Variants in ZNF3 observed in about 807,000 individuals in gnomAD.
ZNF3 encodes the protein C2-H2 type zinc finger protein.
Under a neutral mutation model 36.9 loss-of-function variants are expected in ZNF3, and 16 were observed. The ratio of observed to expected loss-of-function variants is 0.43; its 90% CI spans 0.29 to 0.66. The LOEUF is 0.66. Among genes scored for constraint, ZNF3 ranks in the 30% least tolerant of loss-of-function variants. The pLI is 0.13. For synonymous variants in ZNF3, 201 were observed against 201.9 expected, an observed-to-expected ratio of 1.00 and a Z score of 0.04; for missense variants, 462 against 543.1, an observed-to-expected ratio of 0.85 and a Z score of 1.48.
intron 3 of ZNF3, 118 bp downstream of exon 3, chr7:100,077,185 A>T (rs999210388): frequency 4.3e-5 from 54 of 1,250,470 alleles, no homozygotes; most frequent in Middle Eastern, 2.1e-4. Context: ...AATGGCGAAG[A>T]GTGTGTCTTA....
At chr7:100,080,468 G>A (rs1223876809) in intron 1 of ZNF3, among the ~76,000 whole-genome samples, 2 of 151,814 alleles carry the variant, frequency 1.3e-5, no homozygotes, top group Admixed American at 6.6e-5. Context: ...CACTCCAGCC[G>A]GGGGCAACAG....
intron 4 of ZNF3, 26 bp downstream of exon 4, chr7:100,075,516 A>G: frequency 1.2e-6 from 2 of 1,613,624 alleles, no homozygotes; most frequent in Non-Finnish European, 1.7e-6. Flanking sequence ...ATGGAAAGGA[A>G]AAGGATAAAC....
At position 100,064,578 on chromosome 7, in the gene ZNF3, A is replaced by G. The variant is rs186209214; in HGVS notation, c.*210T>C. On this transcript the variant is annotated 3_prime_UTR_variant, in exon 6 of 6. Transcript: ENST00000413658. The stretch of plus-strand genomic sequence containing the variant: ...TCTGTAGCAAGTCCAATCTTTCCAA[A>G]CATCAGCGAGTCCACACTGGAGAGG... 6.4e-4 allele frequency: 1,030 copies of G among 1,614,200 alleles called. 6 individuals carry two copies. Among genetic ancestry groups the G allele is most frequent in the Non-Finnish European group, 1.7e-4 (199 of 1,180,026 alleles).
intron 2 of ZNF3, 106 bp downstream of exon 2, chr7:100,079,430 A>G (rs537695982): frequency 1.3e-5 from 2 of 152,442 alleles, no homozygotes; most frequent in South Asian, 4.1e-4. Context: ...CTTCAGGTCC[A>G]GACAGGGCCC....
chr7:100,075,327 C>T (rs749341686), intron 4 of ZNF3, 66 bp from the exon 5 acceptor site: 16 of 1,611,820 alleles, frequency 9.9e-6, no homozygotes, highest in Non-Finnish European at 1.3e-5. Context: ...CCAAAAAAAT[C>T]ACTGAGGATG....
At chr7:100,065,161 C>G, downstream of ZNF3, 1 of 503,746 alleles carries the variant, frequency 2.0e-6, no homozygotes, top group Non-Finnish European at 3.4e-6. Flanking sequence ...GGCACGGTGG[C>G]TTACGCCTGT....
At position 100,081,434 on chromosome 7, in the gene ZNF3, T is replaced by C. The variant is rs371934931; in HGVS notation, c.-198+201A>G. 3.3e-5 allele frequency among the ~76,000 whole-genome samples: 5 copies of C among 152,094 alleles called. No individual in the cohort carries two copies. In the East Asian group the frequency reaches 7.7e-4, roughly 23 times the overall value. On this transcript the variant is annotated intron_variant, in intron 1 of 5. Coordinates refer to ENST00000299667, the MANE Select transcript of ZNF3 (RefSeq NM_032924.5). The surrounding 1 kb of genome is among the most constrained non-coding windows in gnomAD (Gnocchi z 4.3). ...GAACCGGAGCCCCATTACTAACCCC[T>C]ACGCAGGATCCCGCTAGGCTAGGGG...
intron 1 of ZNF3, among the ~76,000 whole-genome samples, chr7:100,080,550 G>A (rs544085249): frequency 1.3e-5 from 2 of 150,652 alleles, no homozygotes; most frequent in African/African-American, 4.9e-5. Context: ...GGTGGCTAAC[G>A]CCTGTAATCC....
At chr7:100,081,918 T>G (rs1795050487), upstream of ZNF3, among the ~76,000 whole-genome samples, 1 of 152,242 alleles carries the variant, frequency 6.6e-6, no homozygotes, top group Admixed American at 6.5e-5. This position sits in a 1 kb window ranked among gnomAD's most constrained non-coding sequence, Gnocchi z 4.3. Flanking sequence ...GATCTTTCGC[T>G]GCGGGGGCTG....
downstream of ZNF3, among the ~76,000 whole-genome samples, chr7:100,069,721 C>T (rs1411668003): frequency 1.3e-5 from 2 of 151,972 alleles, no homozygotes; most frequent in African/African-American, 4.8e-5. Context: ...TCAAGTAGTT[C>T]TCCTGGCTCA....
In ZNF3 at chr7:100,079,628, G is replaced by A. The variant is rs1165402648; in HGVS notation, c.-169C>T. On this transcript the variant is annotated 5_prime_UTR_variant, in exon 2 of 6. Transcript: ENST00000299667. ...TTTAGCAGCCTCTGTTCAAGTTCCC[G>A]GGAATTCTGACTTTTGTTGATGCCA... is the stretch of plus-strand genomic sequence containing the variant. 6 of 152,310 alleles carry A rather than the reference G, an allele frequency of 3.9e-5. No homozygotes were observed. Among genetic ancestry groups the A allele is most frequent in the African/African-American group, 1.2e-4 (5 of 41,558 alleles). The allele number at this position is 152,310 out of a possible 1,614,324, so 9.4% of individuals were successfully genotyped here. A position where few individuals can be genotyped will look rare whatever the true frequency, so the allele number is the denominator to read the frequency against.
At position 100,070,977 on chromosome 7, in the gene ZNF3, G is replaced by C; in HGVS notation, c.*166C>G. On this transcript the variant is annotated 3_prime_UTR_variant, in exon 6 of 6. Coordinates refer to ENST00000299667, the MANE Select transcript of ZNF3 (RefSeq NM_032924.5). The stretch of plus-strand genomic sequence containing the variant: ...TCCACTTGCCTTGACGCTTTCTAAG[G>C]CTGGTGTGATTTCTGGGAAAATTCA... 7.0e-7 allele frequency: 1 copy of C among 1,437,534 alleles called. No homozygotes were observed. The highest frequency in any genetic ancestry group is 9.1e-7 in the Non-Finnish European group (1 of 1,101,564). 89.0% of individuals were successfully genotyped at this position (1,437,534 alleles called of 1,614,324 possible). A position where few individuals can be genotyped will look rare whatever the true frequency, so the allele number is the denominator to read the frequency against.
rs748748793 is a variant in ZNF3 at position 100,077,332 on chromosome 7, G to A, written c.26C>T (p.Ser9Phe). 70 of 1,613,918 alleles carry A rather than the reference G, an allele frequency of 4.3e-5. No homozygotes were observed. Among genetic ancestry groups the A allele is most frequent in the Non-Finnish European group, 5.3e-5 (63 of 1,179,950 alleles). Residue 9 changes from serine to phenylalanine, a missense_variant, in exon 3 of 6, where the codon TCT (serine) becomes TTT (phenylalanine). Ser to Phe is a radical substitution (Grantham distance 155). Transcript: ENST00000299667. ...GTCAAGCAGGGCCTGAGGTTCCTGAGATACGAGATCAGCCTGAGTTTCCAT... is the reference window on the plus strand; with the variant it reads ...GTCAAGCAGGGCCTGAGGTTCCTGAAATACGAGATCAGCCTGAGTTTCCAT... METQADLV[S>F]QEPQALLDSA... is the part of the protein sequence containing the mutation.
downstream of ZNF3, among the ~76,000 whole-genome samples, chr7:100,068,894 G>A (rs116371104): frequency 9.4e-3 from 1,427 of 151,826 alleles, 29 homozygotes; most frequent in African/African-American, 0.031. Flanking sequence ...TTGGTTCACC[G>A]CAACCACTGC....
chr7:100,069,545 C>CT (rs1036080906), downstream of ZNF3, among the ~76,000 whole-genome samples: 15 of 99,298 alleles, frequency 1.5e-4, no homozygotes, highest in African/African-American at 5.6e-4. Flanking sequence ...GTGCTAGACT[C>CT]TGTCTCAAAA....
At chr7:100,074,327 G>A (rs1793712460) in intron 5 of ZNF3, among the ~76,000 whole-genome samples, 1 of 152,162 alleles carries the variant, frequency 6.6e-6, no homozygotes. Flanking sequence ...CTGGACTGCA[G>A]TAATGCCATC....
chr7:100,080,931 C>A (rs1794903814), intron 1 of ZNF3, among the ~76,000 whole-genome samples: 1 of 152,226 alleles, frequency 6.6e-6, no homozygotes, highest in African/African-American at 2.4e-5. Context: ...GAAAATAATA[C>A]GCTCGTTCCT....
chr7:100,064,888 GTAGT>G lies in ZNF3; in HGVS notation c.292_295del (p.Thr98ArgfsTer4), dbSNP rs56833874. On this transcript the variant is annotated frameshift_variant, in exon 6 of 6. Coordinates refer to the ZNF3 transcript ENST00000413658. LOFTEE classifies it low-confidence loss of function (END_TRUNC). ...AAGCCATGCCAGCATTACCTTTTGC[GTAGT>G]TAAACAGACGTGTATCCAGTCTAGT... is the stretch of plus-strand genomic sequence containing the variant. 447,522 of 1,613,490 alleles carry G rather than the reference GTAGT, an allele frequency of 0.28. 63,574 individuals are homozygous for G. The highest frequency in any genetic ancestry group is 0.38 in the East Asian group (17,202 of 44,836).
chr7:100,068,996 ATT>A (rs531579814), downstream of ZNF3, among the ~76,000 whole-genome samples: 2 of 146,874 alleles, frequency 1.4e-5, no homozygotes, highest in Non-Finnish European at 1.5e-5. Context: ...TATATATATA[ATT>A]TTTTTTTTTT....
Sources: allele counts gnomAD v4.1 joint callset (sites outside exome capture counted in the v4.1 genomes callset), GRCh38; gene constraint gnomAD v4.1.1; non-coding constraint Gnocchi (gnomAD v3.1); transcripts MANE v1.5; gene names NCBI Gene and HGNC (gene_info 2026-07-23, HGNC 2026-07-21).